Variants in FRS2 observed in about 807,000 individuals in gnomAD.
FRS2 encodes FGFR signalling adaptor.
A neutral mutation model predicts 43.9 loss-of-function variants in FRS2; 8 were observed. The ratio of observed to expected loss-of-function variants is 0.18; its 90% CI spans 0.11 to 0.33. FRS2 has a LOEUF of 0.33. Among genes scored for constraint, FRS2 ranks in the 10% least tolerant of loss-of-function variants. FRS2 has a pLI of 1.00. For synonymous variants in FRS2, 219 were observed against 220.3 expected, an observed-to-expected ratio of 0.99 and a Z score of 0.05; for missense variants, 534 against 627.6, an observed-to-expected ratio of 0.85 and a Z score of 1.59.
chr12:69,494,570 G>T (rs1278336405), intron 1 of FRS2, among the ~76,000 whole-genome samples: 1 of 152,166 alleles, frequency 6.6e-6, no homozygotes, highest in African/African-American at 2.4e-5. Flanking sequence ...ATACTTCTTT[G>T]TTGTGGGAGA....
At position 69,501,014 on chromosome 12, in the gene FRS2, G is replaced by T. The variant is rs191355542; in HGVS notation, c.-260-29851G>T. 4.7e-3 allele frequency among the ~76,000 whole-genome samples: 716 copies of T among 152,162 alleles called. 4 individuals are homozygous for T. The highest frequency in any genetic ancestry group is 0.019 in the South Asian group (91 of 4,824). On this transcript the variant is annotated intron_variant, in intron 1 of 8. Transcript: ENST00000549921. ...ACTTTTCTGTGGATTATGCATAATA[G>T]TACTTTGTTGTTTTCTACATTATAA...
chr12:69,489,677 A>G (rs542246104), intron 1 of FRS2, among the ~76,000 whole-genome samples: 1 of 152,066 alleles, frequency 6.6e-6, no homozygotes, highest in East Asian at 1.9e-4. Flanking sequence ...TCAAAAAAAA[A>G]AAAAAAAGAA....
chr12:69,471,760 T>C (rs1870317278), intron 1 of FRS2, among the ~76,000 whole-genome samples: 1 of 152,254 alleles, frequency 6.6e-6, no homozygotes, highest in South Asian at 2.1e-4. Context: ...GGCCACTGTT[T>C]TTGCAGCGTA....
At chr12:69,529,230 C>T (rs948576706) in intron 1 of FRS2, among the ~76,000 whole-genome samples, 3 of 152,142 alleles carry the variant, frequency 2.0e-5, no homozygotes, top group Non-Finnish European at 4.4e-5. Flanking sequence ...AATATTGTGG[C>T]TTGGACCATC....
At chr12:69,565,518 C>T (rs139543732) in intron 4 of FRS2, among the ~76,000 whole-genome samples, 1 of 152,270 alleles carries the variant, frequency 6.6e-6, no homozygotes, top group Non-Finnish European at 1.5e-5. Flanking sequence ...GCTTAAAACA[C>T]ACACATTCTA....
intron 3 of FRS2, among the ~76,000 whole-genome samples, chr12:69,538,223 A>ATATG (rs1194377826): frequency 8.0e-5 from 8 of 100,196 alleles, no homozygotes; most frequent in African/African-American, 3.1e-4. Flanking sequence ...ATATATATAT[A>ATATG]GCATTGCAGA....
At chr12:69,564,300 T>C (rs1430006850) in intron 4 of FRS2, among the ~76,000 whole-genome samples, 2 of 151,994 alleles carry the variant, frequency 1.3e-5, no homozygotes, top group Non-Finnish European at 2.9e-5. Context: ...TTAAACACAT[T>C]TGTATTTCCC....
intron 1 of FRS2, among the ~76,000 whole-genome samples, chr12:69,485,107 A>ACACACGCG (rs1555183222): frequency 1.4e-5 from 2 of 147,162 alleles, no homozygotes; most frequent in African/African-American, 5.2e-5. Context: ...ACACACACAC[A>ACACACGCG]CACACACACA....
intron 3 of FRS2, among the ~76,000 whole-genome samples, chr12:69,538,197 T>TTTTATATATATATA (rs869192774): frequency 1.3e-4 from 11 of 81,638 alleles, no homozygotes; most frequent in Non-Finnish European, 1.9e-4. Context: ...AAAACAAATT[T>TTTTATATATATATA]TATATATATA....
Position 69,574,610 on chromosome 12 carries a change from T to C in FRS2, c.1182T>C (p.Asn394=), listed in dbSNP as rs369774666. 28 of 1,613,922 alleles carry C rather than the reference T, an allele frequency of 1.7e-5. No homozygotes were observed. In the African/African-American group the frequency reaches 3.6e-4, roughly 21 times the overall value. ...TAGATCCAATGCATAACTATGTAAA[T>C]ACAGAGAATGTAACAGTGCCAGCAA... ...NNLDPMHNYV[N]TENVTVPASA... Residue 394 remains asparagine (N), a synonymous_variant, in exon 9 of 9, where the codon AAT becomes AAC. Coordinates refer to ENST00000549921, the MANE Select transcript of FRS2 (RefSeq NM_001278356.2).
chr12:69,502,127 G>A (rs1055667125), intron 1 of FRS2, among the ~76,000 whole-genome samples: 2 of 151,854 alleles, frequency 1.3e-5, no homozygotes, highest in Admixed American at 6.6e-5. Context: ...CACCACGCCC[G>A]GCTAATTTTT....
intron 1 of FRS2, chr12:69,486,438 C>G (rs1207019694): frequency 6.6e-6 from 1 of 152,208 alleles, no homozygotes; most frequent in Admixed American, 6.6e-5. Context: ...TGTGTGTGTT[C>G]TGACTGCTCC....
intron 3 of FRS2, among the ~76,000 whole-genome samples, chr12:69,558,464 T>C (rs776506976): frequency 2.0e-5 from 3 of 152,156 alleles, no homozygotes; most frequent in Admixed American, 6.5e-5. Context: ...TTCCTACCTA[T>C]CTCCTAATAT....
intron 1 of FRS2, among the ~76,000 whole-genome samples, chr12:69,482,607 A>G (rs1422339862): frequency 6.6e-6 from 1 of 152,256 alleles, no homozygotes; most frequent in Non-Finnish European, 1.5e-5. Flanking sequence ...CATGGAGCAC[A>G]GTCCAGAGGT....
chr12:69,573,960 G>A (rs1565785921), intron 8 of FRS2, 45 bp from the exon 9 acceptor site: 2 of 1,346,660 alleles, frequency 1.5e-6, no homozygotes, highest in South Asian at 1.4e-5. Context: ...TTTCAGTTTT[G>A]TTTTTTTAAG....
At chr12:69,523,045 A>G (rs1162106235) in intron 1 of FRS2, among the ~76,000 whole-genome samples, 1 of 152,206 alleles carries the variant, frequency 6.6e-6, no homozygotes, top group Non-Finnish European at 1.5e-5. Context: ...CGATAAGAAG[A>G]ATGTATATTC....
intron 4 of FRS2, among the ~76,000 whole-genome samples, chr12:69,563,221 C>G (rs562192229): frequency 6.6e-5 from 10 of 152,142 alleles, no homozygotes; most frequent in African/African-American, 2.4e-4. Flanking sequence ...TGCAGAATAT[C>G]TAGTATCTAG....
chr12:69,542,620 C>G (rs1878017443), intron 3 of FRS2, among the ~76,000 whole-genome samples: 1 of 152,150 alleles, frequency 6.6e-6, no homozygotes, highest in Non-Finnish European at 1.5e-5. Context: ...TGTGATGTTC[C>G]AAACTTGTAC....
intron 1 of FRS2, among the ~76,000 whole-genome samples, chr12:69,511,046 A>C (rs898235472): frequency 2.6e-5 from 4 of 152,210 alleles, no homozygotes; most frequent in African/African-American, 9.6e-5. Flanking sequence ...TAAATATACT[A>C]TAAGGTATCC....
Sources: gnomAD v4.1 joint callset for allele counts (sites outside exome capture counted in the v4.1 genomes callset) on GRCh38, gnomAD v4.1.1 for gene constraint, MANE v1.5 for transcripts, NCBI Gene and HGNC (gene_info 2026-07-23, HGNC 2026-07-21) for gene names.